The following WFDC1 variants were observed in gnomAD, a reference collection of about 807,000 sequenced individuals.
WFDC1 encodes the protein WAP four-disulfide core domain protein 1.
Under a neutral mutation model 32.9 loss-of-function variants are expected in WFDC1, and 39 were observed. The observed-to-expected ratio is 1.19, with a 90% CI of 0.92 to 1.55. The LOEUF (loss-of-function observed/expected upper bound fraction) is 1.55, where lower values mean the gene tolerates loss of function less well. Among genes scored for constraint, WFDC1 ranks in the 40% most tolerant of loss-of-function variants. WFDC1 has a pLI of 0.00. For synonymous variants in WFDC1, 184 were observed against 137.4 expected, an observed-to-expected ratio of 1.34 and a Z score of -2.37; for missense variants, 386 against 309.5, an observed-to-expected ratio of 1.25 and a Z score of -1.85.
intron 3 of WFDC1, 98 bp downstream of exon 3, chr16:84,318,453 A>T: frequency 8.7e-7 from 1 of 1,150,154 alleles, no homozygotes; most frequent in Admixed American, 1.9e-5. Context: ...GCTGTCCCCC[A>T]TGCACGGGCC....
chr16:84,319,859 G>A (rs1233975082), intron 4 of WFDC1, among the ~76,000 whole-genome samples: 3 of 152,142 alleles, frequency 2.0e-5, no homozygotes, highest in South Asian at 2.1e-4. Flanking sequence ...TCCTATCTCT[G>A]AGCCTCAGTT....
At chr16:84,322,710 C>A (rs1266954922) in intron 4 of WFDC1, among the ~76,000 whole-genome samples, 1 of 152,206 alleles carries the variant, frequency 6.6e-6, no homozygotes, top group East Asian at 1.9e-4. Context: ...TGGAACCAGG[C>A]ATTTGAGGGG....
chr16:84,320,001 G>C (rs1350433105), intron 4 of WFDC1, among the ~76,000 whole-genome samples: 1 of 152,206 alleles, frequency 6.6e-6, no homozygotes, highest in Non-Finnish European at 1.5e-5. Flanking sequence ...ATCCACGTAT[G>C]TGTAGATGGA....
chr16:84,295,191 C>T lies in WFDC1; in HGVS notation c.144+76C>T, dbSNP rs544361098. 634 of 1,556,190 alleles carry T rather than the reference C, an allele frequency of 4.1e-4. 4 individuals are homozygous for T. In the African/African-American group the frequency reaches 7.8e-3, roughly 19 times the overall value. On this transcript the variant is annotated intron_variant, in intron 1 of 6. Coordinates refer to ENST00000219454, the MANE Select transcript of WFDC1 (RefSeq NM_021197.4). The stretch of plus-strand genomic sequence containing the variant: ...GCCTTGAGGAGAGGCGATCCCTAGA[C>T]ACTGCCTTCTCCTGTAAGTGCTCCC...
At chr16:84,301,808 C>G (rs192251268) in intron 1 of WFDC1, among the ~76,000 whole-genome samples, 2 of 152,306 alleles carry the variant, frequency 1.3e-5, no homozygotes, top group Admixed American at 6.5e-5. Flanking sequence ...AAATCACTTT[C>G]TCCTCGCTGG....
intron 4 of WFDC1, among the ~76,000 whole-genome samples, chr16:84,319,911 C>T (rs911708651): frequency 6.6e-6 from 1 of 152,146 alleles, no homozygotes; most frequent in Non-Finnish European, 1.5e-5. Flanking sequence ...TGTTGTGGGG[C>T]GTGACTGAAA....
chr16:84,298,686 C>G (rs539623221), intron 1 of WFDC1, among the ~76,000 whole-genome samples: 1 of 152,216 alleles, frequency 6.6e-6, no homozygotes, highest in Non-Finnish European at 1.5e-5. Context: ...CTCTCAAAGC[C>G]TCGTCCCCCG....
At chr16:84,317,457 A>G (rs1345472345) in intron 2 of WFDC1, 1 of 152,012 alleles carries the variant, frequency 6.6e-6, no homozygotes, top group Non-Finnish European at 1.5e-5. Context: ...GGCAGGAGGC[A>G]CTCTCTGCTT....
intron 1 of WFDC1, among the ~76,000 whole-genome samples, chr16:84,300,408 C>T (rs1209911183): frequency 6.6e-6 from 1 of 152,260 alleles, no homozygotes; most frequent in Admixed American, 6.5e-5. Context: ...CCCTGAAGGG[C>T]GCCTTCCCTT....
At chr16:84,311,640 C>T (rs1049994230) in intron 1 of WFDC1, among the ~76,000 whole-genome samples, 19 of 149,222 alleles carry the variant, frequency 1.3e-4, no homozygotes, top group African/African-American at 4.5e-4. Context: ...ACCATCCTCC[C>T]GCCTCAGCCT....
intron 2 of WFDC1, among the ~76,000 whole-genome samples, chr16:84,315,799 TC>T (rs2151376636): frequency 6.6e-6 from 1 of 152,304 alleles, no homozygotes; most frequent in South Asian, 2.1e-4. Context: ...CAGGCCCTGT[TC>T]CAGGCACCTT....
intron 2 of WFDC1, 25 bp from the exon 3 acceptor site, chr16:84,318,247 C>G (rs7184264): frequency 6.2e-6 from 10 of 1,613,372 alleles, no homozygotes; most frequent in African/African-American, 1.3e-5. Flanking sequence ...GAGGAGGGCC[C>G]TGATCTGACC....
chr16:84,298,338 G>A (rs1404683504), intron 1 of WFDC1, among the ~76,000 whole-genome samples: 18 of 151,922 alleles, frequency 1.2e-4, no homozygotes, highest in East Asian at 7.7e-4. Context: ...CAGGTGATCC[G>A]CCCGCCTCGG....
Position 84,326,938 on chromosome 16 carries a change from T to G in WFDC1, c.661T>G (p.Ter221GluextTer27), listed in dbSNP as rs777784305. The change falls in exon 6 of 7, where the codon TAA becomes GAA. Residue 221 changes from the stop codon to glutamate, a stop_lost. Transcript: ENST00000219454. ...AAGGGGACAACAGAAGCACTTTCAG[T>G]AAAGCAACGGCAAGCAGGTGAGTGG... Reference protein sequence around the residue: ...PGRGQQKHFQ* With the variant: ...PGRGQQKHFQE The G allele has an allele frequency of 3.7e-6, 6 of 1,613,912 alleles. No individual in the cohort carries two copies. The highest frequency in any genetic ancestry group is 5.1e-6 in the Non-Finnish European group (6 of 1,180,010).
At position 84,319,038 on chromosome 16, in the gene WFDC1, G is replaced by A. The variant is rs574229193; in HGVS notation, c.422-393G>A. The A allele has an allele frequency of 1.7e-5, 4 of 242,168 alleles. No homozygotes were observed. The East Asian group carries it at 4.1e-4, about 25-fold the overall frequency. 15.0% of individuals were successfully genotyped at this position (242,168 alleles called of 1,614,324 possible). On this transcript the variant is annotated intron_variant, in intron 3 of 6. Coordinates refer to ENST00000219454, the MANE Select transcript of WFDC1 (RefSeq NM_021197.4). ...ATGTGTGTGCAGGATTTGTGTGTGGGGATGCGTGCGTATATGTCTGTGTGT... is the reference window on the plus strand; with the variant it reads ...ATGTGTGTGCAGGATTTGTGTGTGGAGATGCGTGCGTATATGTCTGTGTGT...
chr16:84,313,301 G>T, intron 2 of WFDC1, 148 bp downstream of exon 2: 2 of 658,804 alleles, frequency 3.0e-6, no homozygotes, highest in Non-Finnish European at 4.3e-6. Context: ...GAACTGGGAC[G>T]GGCGCTCCTT....
intron 1 of WFDC1, chr16:84,296,965 C>A (rs185844285): frequency 6.6e-6 from 1 of 152,330 alleles, no homozygotes; most frequent in Admixed American, 6.5e-5. Flanking sequence ...CCTCCATGCT[C>A]TTCTCTGGTG....
intron 1 of WFDC1, among the ~76,000 whole-genome samples, chr16:84,300,371 C>G (rs935025980): frequency 6.6e-6 from 1 of 152,242 alleles, no homozygotes; most frequent in Non-Finnish European, 1.5e-5. Context: ...GCTCTAGTGC[C>G]CAGGCAGCCA....
Position 84,326,927 on chromosome 16 carries a change from A to G in WFDC1, c.650A>G (p.Lys217Arg), listed in dbSNP as rs12933084. ...GCAGAACCTGGAAGGGGACAACAGA[A>G]GCACTTTCAGTAAAGCAACGGCAAG... ...NVAEPGRGQQ[K>R]HFQ is the part of the protein sequence containing the mutation. The change falls in exon 6 of 7, where the codon AAG (lysine) becomes AGG (arginine). Residue 217 changes from lysine to arginine, a missense_variant. Lys to Arg is a conservative substitution (Grantham distance 26, BLOSUM62 2). Transcript: ENST00000219454. The G allele has an allele frequency of 0.3, 490,881 of 1,613,434 alleles. 75,716 individuals are homozygous for G. The highest frequency in any genetic ancestry group is 0.34 in the African/African-American group (25,389 of 74,846).
Sources: allele counts gnomAD v4.1 joint callset (sites outside exome capture counted in the v4.1 genomes callset), GRCh38; gene constraint gnomAD v4.1.1; transcripts MANE v1.5; gene names NCBI Gene and HGNC (gene_info 2026-07-23, HGNC 2026-07-21).